Variants in CYP4X1 observed in about 807,000 individuals in gnomAD.
CYP4X1 encodes the protein cytochrome P450 family 4 subfamily X member 1.
A neutral mutation model predicts 57.9 loss-of-function variants in CYP4X1; 44 were observed. The ratio of observed to expected loss-of-function variants is 0.76; its 90% CI spans 0.60 to 0.98. The LOEUF is 0.98. Among genes scored for constraint, CYP4X1 ranks in the 50% least tolerant of loss-of-function variants. The pLI is 0.00. For missense variants in CYP4X1, 532 were observed against 623.9 expected, an observed-to-expected ratio of 0.85 and a Z score of 1.57; for synonymous variants, 227 against 228.6, an observed-to-expected ratio of 0.99 and a Z score of 0.06.
At chr1:46,966,096 G>A in the CYP4X1 span, among the ~76,000 whole-genome samples, 3 of 152,230 alleles carry the variant, frequency 2.0e-5, no homozygotes, top group Non-Finnish European at 4.4e-5. Flanking sequence ...CTGCAAAAAT[G>A]GCTGCCACTC....
the CYP4X1 span, among the ~76,000 whole-genome samples, chr1:46,981,819 A>AATGTCCTTTGTATGGAC: frequency 6.6e-6 from 1 of 152,206 alleles, no homozygotes. Context: ...AGGATAAGTT[A>AATGTCCTTTGTATGGAC]ATGTCCTTTG....
chr1:46,963,074 C>T, the CYP4X1 span, among the ~76,000 whole-genome samples: 7 of 152,232 alleles, frequency 4.6e-5, no homozygotes, highest in Non-Finnish European at 1.0e-4. Context: ...AGAATTGCAA[C>T]CCCTGCCTTT....
At chr1:46,985,344 T>C in the CYP4X1 span, among the ~76,000 whole-genome samples, 1 of 151,612 alleles carries the variant, frequency 6.6e-6, no homozygotes, top group Admixed American at 6.6e-5. Context: ...AATAAATAGA[T>C]AAAAAAGGCA....
intron 4 of CYP4X1, among the ~76,000 whole-genome samples, chr1:47,033,634 A>C (rs1450234377): frequency 1.3e-5 from 2 of 152,198 alleles, no homozygotes; most frequent in East Asian, 3.8e-4. Flanking sequence ...TGATAGTTAG[A>C]TAGTAAGTGC....
At chr1:47,025,148 C>T (rs1644048761) in intron 1 of CYP4X1, among the ~76,000 whole-genome samples, 2 of 152,038 alleles carry the variant, frequency 1.3e-5, no homozygotes, top group Non-Finnish European at 2.9e-5. Flanking sequence ...GTGCAGCTGT[C>T]TCCTTCATAA....
chr1:46,987,821 G>A, the CYP4X1 span, among the ~76,000 whole-genome samples: 1 of 152,084 alleles, frequency 6.6e-6, no homozygotes, highest in Admixed American at 6.6e-5. Flanking sequence ...AAACAAAAAA[G>A]CTCTTTCAAA....
chr1:47,011,964 C>T, the CYP4X1 span, among the ~76,000 whole-genome samples: 1 of 152,168 alleles, frequency 6.6e-6, no homozygotes, highest in Non-Finnish European at 1.5e-5. Context: ...GTTGGTGGGA[C>T]TGTAAACTAG....
chr1:47,022,926 G>A (rs1012749750), upstream of CYP4X1, among the ~76,000 whole-genome samples: 1 of 152,130 alleles, frequency 6.6e-6, no homozygotes, highest in African/African-American at 2.4e-5. Flanking sequence ...CACCTGATAC[G>A]TTACAAATAC....
At chr1:47,049,378 C>T (rs1644336655) in intron 10 of CYP4X1, 44 bp from the exon 11 acceptor site, 3 of 1,456,310 alleles carry the variant, frequency 2.1e-6, no homozygotes, top group Non-Finnish European at 1.9e-6. Context: ...GAAATGTGTT[C>T]ATGTTGTTTG....
At chr1:46,991,589 A>AT in the CYP4X1 span, among the ~76,000 whole-genome samples, 1 of 152,108 alleles carries the variant, frequency 6.6e-6, no homozygotes, top group South Asian at 2.1e-4. Flanking sequence ...TGACCTCTGT[A>AT]TTTTCTACCT....
chr1:47,028,139 T>A (rs1224849900), intron 1 of CYP4X1, among the ~76,000 whole-genome samples: 1 of 152,194 alleles, frequency 6.6e-6, no homozygotes, highest in Non-Finnish European at 1.5e-5. Context: ...AGCCAACATA[T>A]GGGACCTAGG....
chr1:47,016,029 G>GA, the CYP4X1 span, among the ~76,000 whole-genome samples: 1 of 151,890 alleles, frequency 6.6e-6, no homozygotes, highest in African/African-American at 2.4e-5. Context: ...TCTCTTAATA[G>GA]AAAAAATTCT....
chr1:47,023,925 GCAGCGGC>G lies in CYP4X1; in HGVS notation c.109_115del (p.Gln37CysfsTer65). On this transcript the variant is annotated frameshift_variant, in exon 1 of 12. Transcript: ENST00000371901. LOFTEE classifies it high-confidence loss of function. ...AGGCCATTAAGCTGTACCTGCGGAG[GCAGCGGC>G]TGCTGCGGGACCTGCGCCCCTTCCC... 6.2e-7 allele frequency: 1 copy of G among 1,613,578 alleles called. No individual in the cohort carries two copies. Among genetic ancestry groups the G allele is most frequent in the South Asian group, 1.1e-5 (1 of 91,044 alleles).
intron 11 of CYP4X1, among the ~76,000 whole-genome samples, chr1:47,049,783 C>G (rs1025862938): frequency 1.3e-5 from 2 of 152,134 alleles, no homozygotes; most frequent in African/African-American, 2.4e-5. Flanking sequence ...TGAGTAACTC[C>G]AACTGCCGCC....
intron 9 of CYP4X1, among the ~76,000 whole-genome samples, chr1:47,048,331 C>G (rs1226433536): frequency 6.6e-6 from 1 of 152,176 alleles, no homozygotes; most frequent in Admixed American, 6.5e-5. Context: ...TGATATGACA[C>G]CAACAGCTAC....
At chr1:46,985,428 G>A in the CYP4X1 span, among the ~76,000 whole-genome samples, 4 of 152,224 alleles carry the variant, frequency 2.6e-5, no homozygotes, top group African/African-American at 9.6e-5. Flanking sequence ...AGGGGTGGCT[G>A]TGGGCACAGC....
At chr1:47,045,451 A>G (rs1260698777) in intron 8 of CYP4X1, among the ~76,000 whole-genome samples, 1 of 152,198 alleles carries the variant, frequency 6.6e-6, no homozygotes, top group Non-Finnish European at 1.5e-5. Flanking sequence ...TTTAAATCAC[A>G]AGAACAATCT....
the CYP4X1 span, among the ~76,000 whole-genome samples, chr1:46,968,163 T>A: frequency 2.6e-5 from 4 of 152,144 alleles, no homozygotes; most frequent in Non-Finnish European, 5.9e-5. Flanking sequence ...TGTGGATGGA[T>A]GGTCCTCAGC....
intron 6 of CYP4X1, among the ~76,000 whole-genome samples, 168 bp downstream of exon 6, chr1:47,036,339 T>C (rs952724228): frequency 6.9e-6 from 1 of 144,790 alleles, no homozygotes; most frequent in African/African-American, 2.5e-5. Flanking sequence ...TATAAGACTT[T>C]GCTTCAACCA....
Sources: gnomAD v4.1 joint callset for allele counts (sites outside exome capture counted in the v4.1 genomes callset) on GRCh38, gnomAD v4.1.1 for gene constraint, MANE v1.5 for transcripts, NCBI Gene and HGNC (gene_info 2026-07-23, HGNC 2026-07-21) for gene names.